GRK5: variants seen among roughly 807,000 people sequenced by gnomAD.
GRK5 encodes the protein G protein-coupled receptor kinase 5, also known as g protein-coupled receptor kinase GRK5.
A neutral mutation model predicts 78.4 loss-of-function variants in GRK5; 40 were observed. The observed-to-expected ratio is 0.51, with a 90% CI of 0.40 to 0.66. The LOEUF (loss-of-function observed/expected upper bound fraction) is 0.66, where lower values mean the gene tolerates loss of function less well. GRK5 is among the 30% of genes least tolerant of loss of function. The pLI is 0.00. For missense variants in GRK5, 598 were observed against 759.9 expected (o/e 0.79, Z 2.50); for synonymous variants, 289 against 296.8 (o/e 0.97, Z 0.27).
At chr10:119,298,886 A>G (rs1349221588) in intron 1 of GRK5, among the ~76,000 whole-genome samples, 1 of 151,712 alleles carries the variant, frequency 6.6e-6, no homozygotes, top group Non-Finnish European at 1.5e-5. Context: ...GCCTTTGCTC[A>G]AACACTGCCT....
intron 4 of GRK5, among the ~76,000 whole-genome samples, chr10:119,405,951 A>T (rs756226606): frequency 3.3e-5 from 5 of 152,220 alleles, no homozygotes; most frequent in Admixed American, 6.5e-5. Context: ...TTGATTTGTC[A>T]TACATAAAGG....
chr10:119,259,144 A>G (rs906117462), intron 1 of GRK5, among the ~76,000 whole-genome samples: 13 of 147,470 alleles, frequency 8.8e-5, no homozygotes, highest in African/African-American at 7.6e-5. Flanking sequence ...GGCTCACTGC[A>G]AGCTCCGTCT....
At chr10:119,425,967 A>T (rs906651269) in intron 6 of GRK5, among the ~76,000 whole-genome samples, 9 of 152,086 alleles carry the variant, frequency 5.9e-5, no homozygotes, top group Non-Finnish European at 1.2e-4. Flanking sequence ...CTGGCCCAGG[A>T]TTTGCAGAGC....
chr10:119,367,962 C>T (rs1042497042), intron 2 of GRK5, among the ~76,000 whole-genome samples: 10 of 152,250 alleles, frequency 6.6e-5, no homozygotes, highest in Non-Finnish European at 1.2e-4. Flanking sequence ...CCAGGCGCCT[C>T]GGCAGGGCCA....
chr10:119,444,284 G>C (rs1400420409), intron 12 of GRK5, among the ~76,000 whole-genome samples: 1 of 152,152 alleles, frequency 6.6e-6, no homozygotes. Flanking sequence ...CTGCATGACA[G>C]GGTCTAGGGA....
rs139080222 is a variant in GRK5 at position 119,447,275 on chromosome 10, C to G, written c.1267-848C>G. Reference sequence around the variant, plus strand: ...GGTTCTGATGAAGACACTCTCCTACCTCAACCATCCCTGGCTCCTTCTACC... The same window carrying G: ...GGTTCTGATGAAGACACTCTCCTACGTCAACCATCCCTGGCTCCTTCTACC... On this transcript the variant is annotated intron_variant, in intron 12 of 15. Coordinates refer to ENST00000392870, the MANE Select transcript of GRK5 (RefSeq NM_005308.3). Among the ~76,000 whole-genome samples, 95 of 152,324 alleles carry G rather than the reference C, an allele frequency of 6.2e-4. 1 individual carries two copies. Among genetic ancestry groups the G allele is most frequent in the Middle Eastern group, 6.8e-3 (2 of 294 alleles).
At chr10:119,390,423 C>T (rs760757601) in intron 3 of GRK5, among the ~76,000 whole-genome samples, 1 of 152,164 alleles carries the variant, frequency 6.6e-6, no homozygotes, top group Non-Finnish European at 1.5e-5. Context: ...TGCAGTGGCT[C>T]AGCCTGTAAT....
intron 4 of GRK5, among the ~76,000 whole-genome samples, chr10:119,406,913 C>A (rs1220829747): frequency 6.6e-6 from 1 of 152,186 alleles, no homozygotes; most frequent in Non-Finnish European, 1.5e-5. Context: ...ATTTATTGAG[C>A]TACTACTGTA....
At chr10:119,374,592 G>A (rs1851595822) in intron 2 of GRK5, among the ~76,000 whole-genome samples, 2 of 152,336 alleles carry the variant, frequency 1.3e-5, no homozygotes, top group Admixed American at 6.5e-5. Flanking sequence ...CCCCCAAGAC[G>A]TGTGTTGCTT....
At chr10:119,234,657 C>T (rs1848889260) in intron 1 of GRK5, among the ~76,000 whole-genome samples, 1 of 150,744 alleles carries the variant, frequency 6.6e-6, no homozygotes, top group South Asian at 2.1e-4. Context: ...TTTCTTTTCT[C>T]CCTCCCCTTT....
chr10:119,392,283 G>A (rs747466729), intron 3 of GRK5, among the ~76,000 whole-genome samples: 6 of 152,154 alleles, frequency 3.9e-5, no homozygotes, highest in South Asian at 2.1e-4. Context: ...GCATCTCCCC[G>A]CAAAGGCCAC....
chr10:119,380,752 G>C, intron 2 of GRK5, 63 bp from the exon 3 acceptor site: 1 of 1,009,778 alleles, frequency 9.9e-7, no homozygotes. Context: ...GTGTGGGAAT[G>C]ACAGGAAGGC....
chr10:119,341,212 A>G (rs973711683), intron 2 of GRK5, among the ~76,000 whole-genome samples: 3 of 151,792 alleles, frequency 2.0e-5, no homozygotes, highest in African/African-American at 7.3e-5. Context: ...AGGCGCACCT[A>G]CTTCCAACCA....
At chr10:119,245,755 C>T (rs1480724993) in intron 1 of GRK5, among the ~76,000 whole-genome samples, 1 of 152,056 alleles carries the variant, frequency 6.6e-6, no homozygotes, top group Non-Finnish European at 1.5e-5. Context: ...CGGTGGCTCA[C>T]GCCTGTAATC....
At chr10:119,318,211 G>C (rs1850524489) in intron 1 of GRK5, among the ~76,000 whole-genome samples, 1 of 152,222 alleles carries the variant, frequency 6.6e-6, no homozygotes, top group Non-Finnish European at 1.5e-5. Flanking sequence ...GAACAGCAGA[G>C]CCCTGGTTCA....
chr10:119,427,599 C>G (rs1394597410), intron 6 of GRK5, among the ~76,000 whole-genome samples: 19 of 152,056 alleles, frequency 1.2e-4, no homozygotes, highest in Non-Finnish European at 2.2e-4. Flanking sequence ...AGCATCATCA[C>G]CATCATCAGC....
At chr10:119,286,221 C>T (rs1403130976) in intron 1 of GRK5, among the ~76,000 whole-genome samples, 2 of 152,208 alleles carry the variant, frequency 1.3e-5, no homozygotes, top group Non-Finnish European at 2.9e-5. Context: ...CTGTACCCTG[C>T]AGCCACCACT....
intron 1 of GRK5, among the ~76,000 whole-genome samples, chr10:119,283,717 C>T (rs1277038014): frequency 6.6e-6 from 1 of 152,210 alleles, no homozygotes; most frequent in Non-Finnish European, 1.5e-5. Context: ...TCAAGGGTCA[C>T]CCTGCAGATG....
intron 8 of GRK5, among the ~76,000 whole-genome samples, chr10:119,435,210 T>C (rs974211013): frequency 1.3e-5 from 2 of 152,242 alleles, no homozygotes; most frequent in African/African-American, 4.8e-5. Context: ...ACATGCCCTG[T>C]AGACATTTTC....
Sources: allele counts gnomAD v4.1 joint callset (sites outside exome capture counted in the v4.1 genomes callset), GRCh38; gene constraint gnomAD v4.1.1; transcripts MANE v1.5; gene names NCBI Gene and HGNC (gene_info 2026-07-23, HGNC 2026-07-21).